PPP1R12B: variants seen among roughly 807,000 people sequenced by gnomAD.
The protein encoded by PPP1R12B is myosin phosphatase target subunit 2.
In PPP1R12B, 76 loss-of-function variants were observed where a neutral mutation model predicts 126.1. The ratio of observed to expected loss-of-function variants is 0.60; its 90% CI spans 0.50 to 0.73. The LOEUF is 0.73. Among genes scored for constraint, PPP1R12B ranks in the 30% least tolerant of loss-of-function variants. The pLI, the probability that PPP1R12B is intolerant of heterozygous loss-of-function variation, is 0.00. For synonymous variants in PPP1R12B, 356 were observed against 434.7 expected (o/e 0.82, Z 2.25); for missense variants, 1,052 against 1,205.1 (o/e 0.87, Z 1.88).
At chr1:202,391,485 T>C (rs2148524556) in intron 1 of PPP1R12B, among the ~76,000 whole-genome samples, 1 of 152,242 alleles carries the variant, frequency 6.6e-6, no homozygotes, top group Non-Finnish European at 1.5e-5. Flanking sequence ...CTCAAACAAT[T>C]AAGCATAGAG....
rs183976550 is a variant in PPP1R12B, at chr1:202,487,519, C to A, written c.1851-1014C>A. On this transcript the variant is annotated intron_variant, in intron 13 of 23. Coordinates refer to ENST00000608999, the MANE Select transcript of PPP1R12B (RefSeq NM_002481.4). ...AGGATAGGAAAGAAGAAATAAAATT[C>A]TCATTTTACAGATGACATGATTCTG... Among the ~76,000 whole-genome samples the A allele has an allele frequency of 3.8e-3, 574 of 151,920 alleles. 3 individuals are homozygous for A. Among genetic ancestry groups the A allele is most frequent in the Admixed American group, 6.8e-3 (104 of 15,268 alleles).
chr1:202,396,055 C>G (rs1201671286), intron 1 of PPP1R12B, among the ~76,000 whole-genome samples: 1 of 152,208 alleles, frequency 6.6e-6, no homozygotes, highest in Non-Finnish European at 1.5e-5. Context: ...TCTACTTCCT[C>G]CCTTTTTCTG....
chr1:202,449,515 A>G (rs1046215202), intron 13 of PPP1R12B, among the ~76,000 whole-genome samples: 6 of 151,540 alleles, frequency 4.0e-5, no homozygotes, highest in Non-Finnish European at 8.8e-5. Context: ...TGACCTCATG[A>G]TCTATCCACC....
rs1687661347 is a variant in PPP1R12B, at chr1:202,562,790, A to T, written c.2520A>T (p.Gly840=). 2 of 1,611,560 alleles carry T rather than the reference A, an allele frequency of 1.2e-6. No homozygotes were observed. The change falls in exon 20 of 24, where the codon GGA becomes GGT. Residue 840 remains glycine, a synonymous_variant. Coordinates refer to ENST00000608999, the MANE Select transcript of PPP1R12B (RefSeq NM_002481.4). The part of the protein sequence containing the change: ...WHERLSRLES[G]GSNPTTSDSY... Reference sequence around the variant, plus strand: ...TTATCTCCCACAGGTTGGAATCGGGAGGTAGTAATCCTACAACCAGTGATT... The same window carrying T: ...TTATCTCCCACAGGTTGGAATCGGGTGGTAGTAATCCTACAACCAGTGATT...
At chr1:202,566,304 G>A (rs1688044372) in intron 21 of PPP1R12B, among the ~76,000 whole-genome samples, 1 of 152,180 alleles carries the variant, frequency 6.6e-6, no homozygotes, top group Non-Finnish European at 1.5e-5. Flanking sequence ...TTTGCTGGGT[G>A]TGTCAAAATA....
rs56752885 is a variant in PPP1R12B, at chr1:202,555,325, G to GAAAAAAAAAAAAA, written c.2491-3536_2491-3524dup. On this transcript the variant is annotated intron_variant, in intron 18 of 23. Transcript: ENST00000608999. ...AAAACCCTAATTTTCCTGTTTTAAT[G>GAAAAAAAAAAAAA]AAAAAAAAAAAAAAAAAAAAAAAAA... is the stretch of plus-strand genomic sequence containing the variant. Among the ~76,000 whole-genome samples the GAAAAAAAAAAAAA allele has an allele frequency of 3.1e-3, 79 of 25,354 alleles. 17 individuals are homozygous for GAAAAAAAAAAAAA. Among genetic ancestry groups the GAAAAAAAAAAAAA allele is most frequent in the Middle Eastern group, 0.033 (1 of 30 alleles). 16.6% of individuals were successfully genotyped at this position (25,354 alleles called of 152,430 possible).
intron 18 of PPP1R12B, among the ~76,000 whole-genome samples, chr1:202,515,187 T>C (rs931368062): frequency 4.6e-5 from 7 of 152,094 alleles, no homozygotes; most frequent in African/African-American, 1.7e-4. Context: ...AAGATAACTA[T>C]TGGGTACTAG....
intron 18 of PPP1R12B, among the ~76,000 whole-genome samples, chr1:202,526,291 A>G (rs963691929): frequency 1.3e-4 from 20 of 152,232 alleles, no homozygotes; most frequent in African/African-American, 4.3e-4. Flanking sequence ...ACCAGCAGCC[A>G]AGAAAGAACG....
chr1:202,505,583 G>T (rs1295538518), intron 18 of PPP1R12B, among the ~76,000 whole-genome samples: 1 of 152,064 alleles, frequency 6.6e-6, no homozygotes, highest in Non-Finnish European at 1.5e-5. Context: ...AGTCTGTTTT[G>T]TTTTCCTCTC....
chr1:202,558,929 A>G, intron 19 of PPP1R12B, 36 bp downstream of exon 19: 2 of 1,556,796 alleles, frequency 1.3e-6, no homozygotes. Flanking sequence ...CATGCTTAAT[A>G]CTTGTGAGTG....
intron 13 of PPP1R12B, among the ~76,000 whole-genome samples, chr1:202,475,080 A>G: frequency 6.6e-6 from 1 of 152,210 alleles, no homozygotes; most frequent in East Asian, 1.9e-4. Flanking sequence ...TAGAGTTCCA[A>G]GAGATTAAGT....
chr1:202,467,161 A>T (rs1382483463), intron 13 of PPP1R12B, among the ~76,000 whole-genome samples: 3 of 151,822 alleles, frequency 2.0e-5, no homozygotes, highest in African/African-American at 7.3e-5. Flanking sequence ...TCCTGCTTAA[A>T]ATCTGAGAAT....
rs972819694 is a variant in PPP1R12B, at chr1:202,591,309, C to T, written c.*10749C>T. On this transcript the variant is annotated 3_prime_UTR_variant, in exon 24 of 24. Transcript: ENST00000608999. Reference sequence around the variant, plus strand: ...TTCCCGTTCTCTCTCCTTCCTCATACTTGTCACAGTTGCCAGGCCTGAGGC... The same window carrying T: ...TTCCCGTTCTCTCTCCTTCCTCATATTTGTCACAGTTGCCAGGCCTGAGGC... The T allele has an allele frequency of 2.0e-5, 3 of 152,882 alleles. No homozygotes were observed. The highest frequency in any genetic ancestry group is 2.9e-5 in the Non-Finnish European group (2 of 68,556). The allele number at this position is 152,882 out of a possible 1,614,324, so 9.5% of individuals were successfully genotyped here.
rs1441894134 is a variant in PPP1R12B at position 202,446,252 on chromosome 1, A to ATTTTT, written c.1668-2736_1668-2735insTTTTT. ...TCTCTCTCTCTATATATATATATAT[A>ATTTTT]TATATTTTTTTTTTTTTTTGAGATG... On this transcript the variant is annotated intron_variant, in intron 12 of 23. Coordinates refer to ENST00000608999, the MANE Select transcript of PPP1R12B (RefSeq NM_002481.4). Among the ~76,000 whole-genome samples the ATTTTT allele has an allele frequency of 2.6e-3, 148 of 57,210 alleles. 3 individuals carry two copies. The highest frequency in any genetic ancestry group is 0.011 in the African/African-American group (133 of 12,522). The allele number at this position is 57,210 out of a possible 152,430, so 37.5% of individuals were successfully genotyped here. A position where few individuals can be genotyped will look rare whatever the true frequency, so the allele number is the denominator to read the frequency against.
chr1:202,551,526 C>CA (rs1686318898), intron 18 of PPP1R12B, among the ~76,000 whole-genome samples: 1 of 117,420 alleles, frequency 8.5e-6, no homozygotes, highest in Admixed American at 1.0e-4. Flanking sequence ...TAAATTAAAC[C>CA]ATTTTTTTTT....
rs570783056 is a variant in PPP1R12B at position 202,439,265 on chromosome 1, A to G, written c.1458+1241A>G. The G allele has an allele frequency of 1.1e-4, 150 of 1,397,094 alleles. No homozygotes were observed. The African/African-American group carries it at 1.6e-3, about 14-fold the overall frequency. The allele number at this position is 1,397,094 out of a possible 1,614,324, so 86.5% of individuals were successfully genotyped here. A position where few individuals can be genotyped will look rare whatever the true frequency, so the allele number is the denominator to read the frequency against. Reference sequence around the variant, plus strand: ...ACAATATCAAGGCTGTCCTCCACAGAGGCAAGATACTGGCCCAGCAGGGTG... The same window carrying G: ...ACAATATCAAGGCTGTCCTCCACAGGGGCAAGATACTGGCCCAGCAGGGTG... On this transcript the variant is annotated intron_variant, in intron 10 of 23. Coordinates refer to ENST00000608999, the MANE Select transcript of PPP1R12B (RefSeq NM_002481.4).
chr1:202,450,623 T>G (rs1317914714), intron 13 of PPP1R12B, among the ~76,000 whole-genome samples: 1 of 152,244 alleles, frequency 6.6e-6, no homozygotes, highest in African/African-American at 2.4e-5. Context: ...GAGATTGTCT[T>G]TTCTCCAATG....
At chr1:202,456,603 A>C (rs930553657) in intron 13 of PPP1R12B, among the ~76,000 whole-genome samples, 8 of 152,212 alleles carry the variant, frequency 5.3e-5, no homozygotes, top group African/African-American at 1.9e-4. Flanking sequence ...AAACTATATC[A>C]AGCTAGAAAT....
At chr1:202,415,198 G>T (rs1237283581) in intron 1 of PPP1R12B, among the ~76,000 whole-genome samples, 1 of 152,086 alleles carries the variant, frequency 6.6e-6, no homozygotes, top group Non-Finnish European at 1.5e-5. Context: ...CTTCTTCAAG[G>T]TTATTCTTAA....
Sources: allele counts gnomAD v4.1 joint callset (sites outside exome capture counted in the v4.1 genomes callset), GRCh38; gene constraint gnomAD v4.1.1; transcripts MANE v1.5; gene names NCBI Gene and HGNC (gene_info 2026-07-23, HGNC 2026-07-21).